The following TPRX1 variants were observed in gnomAD, a reference collection of about 807,000 sequenced individuals.
The protein encoded by TPRX1 is tetrapeptide repeat homeobox 1, also known as tetra-peptide repeat homeobox protein 1.
TPRX1 carries 2 observed loss-of-function variants against 8.1 expected under a neutral mutation model. The observed-to-expected ratio is 0.25, with a 90% confidence interval of 0.10 to 0.78. The LOEUF is 0.78. TPRX1 is among the 30% of genes least tolerant of loss of function. The pLI is 0.70. For synonymous variants in TPRX1, 257 were observed against 254.1 expected (o/e 1.01, Z -0.11); for missense variants, 517 against 586.9 (o/e 0.88, Z 1.23).
At chr19:47,807,355 C>G (rs1967744774) in intron 2 of TPRX1, among the ~76,000 whole-genome samples, 1 of 152,148 alleles carries the variant, frequency 6.6e-6, no homozygotes, top group Non-Finnish European at 1.5e-5. Context: ...CGTGCCCGGC[C>G]TGAATTGTAT....
chr19:47,808,060 G>A (rs1444185662), intron 2 of TPRX1, among the ~76,000 whole-genome samples: 1 of 151,922 alleles, frequency 6.6e-6, no homozygotes, highest in Non-Finnish European at 1.5e-5. Context: ...CTCCTGAGTA[G>A]GTGGGACTAC....
intron 2 of TPRX1, among the ~76,000 whole-genome samples, chr19:47,816,566 G>T (rs1390250753): frequency 1.2e-4 from 14 of 121,692 alleles, no homozygotes; most frequent in Non-Finnish European, 1.6e-5. Context: ...GGAGTCTCAC[G>T]CCGTCGCCCA....
chr19:47,816,471 A>C (rs1967841596), intron 2 of TPRX1, among the ~76,000 whole-genome samples: 2 of 150,910 alleles, frequency 1.3e-5, no homozygotes, highest in Admixed American at 1.3e-4. Flanking sequence ...GGCTGGCCTC[A>C]GTCTCTAATC....
exon 4 of TPRX1, chr19:47,802,445 C>A (rs1275849722): frequency 1.4e-6 from 2 of 1,476,516 alleles, no homozygotes; most frequent in South Asian, 1.2e-5. Flanking sequence ...TGAGATTGGG[C>A]CTGGGATCGG....
chr19:47,809,382 G>A (rs978565959), intron 2 of TPRX1, among the ~76,000 whole-genome samples: 1 of 151,712 alleles, frequency 6.6e-6, no homozygotes, highest in Admixed American at 6.6e-5. Flanking sequence ...CTTGGCTCAA[G>A]CCATTCTCCC....
chr19:47,815,149 TATATATATA>T (rs1568617412), intron 2 of TPRX1, among the ~76,000 whole-genome samples: 13 of 79,286 alleles, frequency 1.6e-4, no homozygotes, highest in Admixed American at 1.1e-3. Context: ...TATATGCAAA[TATATATATA>T]TATATTTTTT....
At chr19:47,811,916 G>GAGTGCAAT (rs1050657191) in intron 2 of TPRX1, among the ~76,000 whole-genome samples, 4 of 151,164 alleles carry the variant, frequency 2.6e-5, no homozygotes, top group Non-Finnish European at 5.9e-5. Context: ...GCCCAGGCTG[G>GAGTGCAAT]AGTGCAATGG....
rs2123709507 is a variant in TPRX1, at chr19:47,802,088, G to A, written c.1214C>T (p.Pro405Leu). 3 of 1,594,030 alleles carry A rather than the reference G, an allele frequency of 1.9e-6. No individual in the cohort carries two copies. The East Asian group carries it at 6.7e-5, about 36-fold the overall frequency. Residue 405 changes from proline to leucine, a missense_variant, in exon 4 of 4, where the codon CCA (proline) becomes CTA (leucine). Pro to Leu is a moderately conservative substitution (Grantham distance 98). Around this residue, in one of 3 missense-constraint regions of TPRX1, gnomAD observed 506 missense variants for 515.5 expected, o/e 0.98. Transcript: ENST00000535759. ...TGAGCCTGAGCCTGGGCCTGAGCCT[G>A]GGCCTAAAATCGGGGCTAGGCCTGG...
At chr19:47,814,205 ACCACTACG>A (rs1967810927) in intron 2 of TPRX1, among the ~76,000 whole-genome samples, 1 of 151,950 alleles carries the variant, frequency 6.6e-6, no homozygotes, top group Admixed American at 6.6e-5. Context: ...ACAGGCACCC[ACCACTACG>A]CAGAGCATAT....
In TPRX1 at chr19:47,801,912, AG is replaced by A. The variant is rs1203296684; in HGVS notation, c.1389del (p.Ser464GlnfsTer5). The A allele has an allele frequency of 1.9e-6, 3 of 1,614,048 alleles. No individual in the cohort carries two copies. The Admixed American group carries it at 5.0e-5, about 27-fold the overall frequency. On this transcript the variant is annotated frameshift_variant, in exon 4 of 4. Transcript: ENST00000535759. LOFTEE classifies it low-confidence loss of function (END_TRUNC). Reference sequence around the variant, plus strand: ...TACTGAGAGGTCATGGTGGAGACTGAGGATCCCTCCAAGGGGTCTAGGGGTA... The same window carrying A: ...TACTGAGAGGTCATGGTGGAGACTGAGATCCCTCCAAGGGGTCTAGGGGTA...
chr19:47,802,045 T>A, exon 4 of TPRX1: 1 of 1,606,730 alleles, frequency 6.2e-7, no homozygotes, highest in Non-Finnish European at 8.5e-7. Context: ...ATCCTGGGCC[T>A]GGGATTGGAG....
chr19:47,802,486 G>A, exon 4 of TPRX1: 1 of 1,545,004 alleles, frequency 6.5e-7, no homozygotes, highest in African/African-American at 1.4e-5. Context: ...TCGGGCCTGG[G>A]TTTGGGCCTG....
chr19:47,817,212 G>A (rs1258886233), intron 2 of TPRX1, among the ~76,000 whole-genome samples: 1 of 151,802 alleles, frequency 6.6e-6, no homozygotes, highest in Non-Finnish European at 1.5e-5. Flanking sequence ...GGAGGGAGGT[G>A]CCCACAGGTC....
intron 2 of TPRX1, among the ~76,000 whole-genome samples, chr19:47,809,583 T>G (rs1389059061): frequency 6.6e-6 from 1 of 152,176 alleles, no homozygotes; most frequent in Non-Finnish European, 1.5e-5. Flanking sequence ...TATATTTGAA[T>G]GAACAATAAA....
rs569393867 is a variant in TPRX1, at chr19:47,816,916, C to T, written c.151+1552G>A. On this transcript the variant is annotated intron_variant, in intron 2 of 3. Coordinates refer to ENST00000535759, the Ensembl canonical transcript of TPRX1. ...ACACTGGTGGATTATTTGCTATTCTCACTTTTGAAATGCCTGTATAAGTCT... is the reference window on the plus strand; with the variant it reads ...ACACTGGTGGATTATTTGCTATTCTTACTTTTGAAATGCCTGTATAAGTCT... Among the ~76,000 whole-genome samples, 7 of 152,324 alleles carry T rather than the reference C, an allele frequency of 4.6e-5. No homozygotes were observed. In the South Asian group the frequency reaches 1.4e-3, roughly 32 times the overall value.
chr19:47,809,164 G>C (rs1344452765), intron 2 of TPRX1, among the ~76,000 whole-genome samples: 1 of 152,016 alleles, frequency 6.6e-6, no homozygotes, highest in Non-Finnish European at 1.5e-5. Flanking sequence ...TTGAGTTTGT[G>C]TTTTCCATAT....
At chr19:47,813,931 G>A (rs947426355) in intron 2 of TPRX1, among the ~76,000 whole-genome samples, 111 of 146,254 alleles carry the variant, frequency 7.6e-4, no homozygotes, top group African/African-American at 2.6e-3. Context: ...GAAGACAGAG[G>A]GGACAGAGAA....
chr19:47,811,766 G>T (rs1290239862), intron 2 of TPRX1, among the ~76,000 whole-genome samples: 1 of 151,598 alleles, frequency 6.6e-6, no homozygotes, highest in Non-Finnish European at 1.5e-5. Flanking sequence ...CAAAGTGCTG[G>T]GATTACAGGC....
intron 2 of TPRX1, chr19:47,818,374 T>TC (rs1967869278): frequency 2.3e-5 from 8 of 353,514 alleles, no homozygotes; most frequent in African/African-American, 7.0e-5. Flanking sequence ...CCATCATCCA[T>TC]CACCCATCCA....
Sources: gnomAD v4.1 joint callset for allele counts (sites outside exome capture counted in the v4.1 genomes callset) on GRCh38, gnomAD v4.1.1 for gene constraint, gnomAD v4.1.1 regional missense constraint, MANE v1.5 for transcripts, NCBI Gene and HGNC (gene_info 2026-07-23, HGNC 2026-07-21) for gene names.